Variants in GFRAL observed in about 807,000 individuals in gnomAD.
GFRAL encodes GDNF family receptor alpha-like.
A neutral mutation model predicts 45.4 loss-of-function variants in GFRAL; 36 were observed. The observed-to-expected ratio is 0.79, with a 90% CI of 0.61 to 1.05. GFRAL has a LOEUF of 1.05. GFRAL is among the 50% of genes least tolerant of loss of function. The pLI, the probability that GFRAL is intolerant of heterozygous loss-of-function variation, is 0.00. For synonymous variants in GFRAL, 166 were observed against 154.1 expected (o/e 1.08, Z -0.57); for missense variants, 507 against 467.5 (o/e 1.08, Z -0.78).
chr6:55,347,364 G>A (rs909406431), intron 3 of GFRAL, among the ~76,000 whole-genome samples: 1 of 152,048 alleles, frequency 6.6e-6, no homozygotes, highest in South Asian at 2.1e-4. Context: ...TTGGAGTGTC[G>A]GTGAAGGTCA....
At chr6:55,387,149 A>T (rs1353103885) in intron 6 of GFRAL, among the ~76,000 whole-genome samples, 1 of 152,216 alleles carries the variant, frequency 6.6e-6, no homozygotes, top group Non-Finnish European at 1.5e-5. Flanking sequence ...GACAATTCAC[A>T]TTTTGGCATT....
chr6:55,363,434 C>CTTT (rs36074077), intron 6 of GFRAL, among the ~76,000 whole-genome samples: 191 of 147,310 alleles, frequency 1.3e-3, no homozygotes, highest in African/African-American at 4.6e-3. Context: ...TAGCTTAATT[C>CTTT]TTTTTTTTTT....
At chr6:55,377,072 A>ATCAC (rs1768545153) in intron 6 of GFRAL, among the ~76,000 whole-genome samples, 1 of 151,984 alleles carries the variant, frequency 6.6e-6, no homozygotes, top group African/African-American at 2.4e-5. Context: ...CATTCATACT[A>ATCAC]TCACTCCAGT....
chr6:55,383,577 G>A (rs1044971285), intron 6 of GFRAL, among the ~76,000 whole-genome samples: 1 of 151,916 alleles, frequency 6.6e-6, no homozygotes, highest in East Asian at 1.9e-4. Context: ...AGACCATATA[G>A]CCTAGATCTG....
intron 3 of GFRAL, among the ~76,000 whole-genome samples, chr6:55,336,903 C>T (rs1184376531): frequency 6.6e-6 from 1 of 152,010 alleles, no homozygotes; most frequent in African/African-American, 2.4e-5. Flanking sequence ...TTTTGGTTTT[C>T]TTCGTTTTTA....
In GFRAL at chr6:55,351,599, C is replaced by CA. The variant is rs758451070; in HGVS notation, c.701+17dup. The CA allele has an allele frequency of 1.3e-6, 2 of 1,567,730 alleles. No homozygotes were observed. The highest frequency in any genetic ancestry group is 1.4e-5 in the African/African-American group (1 of 73,724). On this transcript the variant is annotated intron_variant, in intron 5 of 8. Transcript: ENST00000340465. ...AATTATGCAGGTGGGTAAAAACACT[C>CA]ATACCTTACTTTCTTATTTCGGCAC...
At chr6:55,372,515 G>A (rs1444290228) in intron 6 of GFRAL, among the ~76,000 whole-genome samples, 3 of 152,164 alleles carry the variant, frequency 2.0e-5, no homozygotes, top group African/African-American at 7.2e-5. Context: ...TGGTCATTTA[G>A]AGGACTAGCC....
At chr6:55,341,917 G>A (rs967985021) in intron 3 of GFRAL, among the ~76,000 whole-genome samples, 21 of 152,240 alleles carry the variant, frequency 1.4e-4, no homozygotes, top group Middle Eastern at 3.4e-3. Context: ...GGAAGAAAGA[G>A]TATCAGTGAT....
Position 55,399,369 on chromosome 6 carries a change from G to T in GFRAL, c.1049G>T (p.Gly350Val). 6.2e-7 allele frequency: 1 copy of T among 1,605,346 alleles called. No individual in the cohort carries two copies. Residue 350 changes from glycine to valine, a missense_variant and splice_region_variant, in exon 8 of 9, where the codon GGA (glycine) becomes GTA (valine). Coordinates refer to ENST00000340465, the MANE Select transcript of GFRAL (RefSeq NM_207410.2). ...TTTCTTAATCTTTTTCTTTTTCTAG[G>T]AGAAGTAATCTATGCTGCCATGTGC... ...TLTGFHSPFN[G>V]EVIYAAMCMT...
chr6:55,357,375 T>G (rs1034564636), intron 5 of GFRAL, among the ~76,000 whole-genome samples: 2 of 151,882 alleles, frequency 1.3e-5, no homozygotes, highest in African/African-American at 4.8e-5. Context: ...TTACAATTGT[T>G]ATATCTTCTT....
At chr6:55,392,301 C>T (rs1768763594) in intron 6 of GFRAL, among the ~76,000 whole-genome samples, 1 of 152,204 alleles carries the variant, frequency 6.6e-6, no homozygotes, top group African/African-American at 2.4e-5. Context: ...GGTCATGCAT[C>T]ATTTTATGAA....
At chr6:55,364,626 G>A (rs569309045) in intron 6 of GFRAL, among the ~76,000 whole-genome samples, 1,543 of 148,496 alleles carry the variant, frequency 0.01, 15 homozygotes, top group Non-Finnish European at 0.017. Context: ...TAAGGTGTAA[G>A]GAAGGGATTC....
chr6:55,350,495 C>T (rs1259102745), intron 4 of GFRAL, among the ~76,000 whole-genome samples: 4 of 151,804 alleles, frequency 2.6e-5, no homozygotes, highest in African/African-American at 7.3e-5. Context: ...GACAACATGG[C>T]AAAACCCTGT....
At chr6:55,378,781 G>A (rs1768568162) in intron 6 of GFRAL, among the ~76,000 whole-genome samples, 1 of 151,866 alleles carries the variant, frequency 6.6e-6, no homozygotes, top group Admixed American at 6.6e-5. Context: ...AAAGTGAACA[G>A]TCAAGAGTAC....
chr6:55,383,641 A>C (rs1009270776), intron 6 of GFRAL, among the ~76,000 whole-genome samples: 1 of 152,020 alleles, frequency 6.6e-6, no homozygotes, highest in Non-Finnish European at 1.5e-5. Flanking sequence ...TGCACAACAA[A>C]ATCTCCTAAT....
At chr6:55,367,408 G>A (rs1472325845) in intron 6 of GFRAL, among the ~76,000 whole-genome samples, 3 of 144,890 alleles carry the variant, frequency 2.1e-5, no homozygotes, top group Non-Finnish European at 4.5e-5. Context: ...TTGCCAGTCT[G>A]TGTTTTTTAA....
Position 55,327,519 on chromosome 6 carries a change from C to CA in GFRAL, c.-36_-35insA, listed in dbSNP as rs1562045440. Reference sequence around the variant, plus strand: ...AAGTTGTCAGAAGAAACGCATCTGCCTTTTTTTCCAGGTGAACTGCCGTGA... The same window carrying CA: ...AAGTTGTCAGAAGAAACGCATCTGCCATTTTTTTCCAGGTGAACTGCCGTGA... On this transcript the variant is annotated 5_prime_UTR_variant, in exon 1 of 9. Coordinates refer to ENST00000340465, the MANE Select transcript of GFRAL (RefSeq NM_207410.2). 2 of 1,610,840 alleles carry CA rather than the reference C, an allele frequency of 1.2e-6. No homozygotes were observed. The highest frequency in any genetic ancestry group is 1.7e-6 in the Non-Finnish European group (2 of 1,177,910).
chr6:55,329,498 C>T (rs994793555), intron 1 of GFRAL, among the ~76,000 whole-genome samples: 1 of 151,976 alleles, frequency 6.6e-6, no homozygotes, highest in African/African-American at 2.4e-5. Context: ...AAATAAAATA[C>T]CATTTTCTTA....
chr6:55,331,322 G>T (rs114863983), intron 1 of GFRAL, among the ~76,000 whole-genome samples: 1,988 of 152,166 alleles, frequency 0.013, 23 homozygotes, highest in Non-Finnish European at 0.022. Context: ...AGAAGGGAGG[G>T]CTGGCAAAGG....
Sources: allele counts gnomAD v4.1 joint callset (sites outside exome capture counted in the v4.1 genomes callset), GRCh38; gene constraint gnomAD v4.1.1; transcripts MANE v1.5; gene names NCBI Gene and HGNC (gene_info 2026-07-23, HGNC 2026-07-21).